The following CGGBP1 variants were observed in gnomAD, a reference collection of about 807,000 sequenced individuals.
CGGBP1 encodes the protein CGG triplet repeat binding protein 1, also known as CGG triplet repeat-binding protein 1.
A neutral mutation model predicts 11.4 loss-of-function variants in CGGBP1; 4 were observed. That is an observed-to-expected ratio of 0.35 (90% CI 0.17 to 0.80). CGGBP1 has a LOEUF of 0.80. CGGBP1 is among the 30% of genes least tolerant of loss of function. CGGBP1 has a pLI of 0.52. For missense variants in CGGBP1, 135 were observed against 202.1 expected (o/e 0.67, Z 2.01); for synonymous variants, 76 against 74.1 (o/e 1.03, Z -0.13).
intron 2 of CGGBP1, among the ~76,000 whole-genome samples, chr3:88,089,288 G>A (rs1431357718): frequency 6.7e-6 from 1 of 149,096 alleles, no homozygotes; most frequent in Non-Finnish European, 1.5e-5. Flanking sequence ...TCAAGAGATC[G>A]AGACCATCCT....
chr3:88,072,668 T>TC (rs1161166046), intron 2 of CGGBP1, among the ~76,000 whole-genome samples: 1 of 152,160 alleles, frequency 6.6e-6, no homozygotes, highest in Non-Finnish European at 1.5e-5. Flanking sequence ...GTATTCTTTT[T>TC]CCCCCTTACC....
At position 88,054,250 on chromosome 3, in the gene CGGBP1, A is replaced by T. The variant is rs978963226; in HGVS notation, c.*1223T>A. On this transcript the variant is annotated 3_prime_UTR_variant, in exon 4 of 4. Coordinates refer to ENST00000482016, the MANE Select transcript of CGGBP1 (RefSeq NM_001008390.2). Reference sequence around the variant, plus strand: ...CCAAGTTTCCAGCTGTTAAATTTTTAAAAAATATAATTTGGGTCTCTGATA... The same window carrying T: ...CCAAGTTTCCAGCTGTTAAATTTTTTAAAAATATAATTTGGGTCTCTGATA... 1.3e-5 allele frequency: 2 copies of T among 152,616 alleles called. No individual in the cohort carries two copies. Among genetic ancestry groups the T allele is most frequent in the African/African-American group, 4.8e-5 (2 of 41,456 alleles). 9.5% of individuals were successfully genotyped at this position (152,616 alleles called of 1,614,324 possible). A position where few individuals can be genotyped will look rare whatever the true frequency, so the allele number is the denominator to read the frequency against.
intron 2 of CGGBP1, chr3:88,086,540 T>A: frequency 2.6e-6 from 2 of 777,560 alleles, no homozygotes; most frequent in Non-Finnish European, 3.7e-6. Context: ...TTCACTGAAG[T>A]ATTCAGGTTT....
chr3:88,073,834 T>G (rs1188421793), intron 2 of CGGBP1, among the ~76,000 whole-genome samples: 1 of 152,188 alleles, frequency 6.6e-6, no homozygotes, highest in Non-Finnish European at 1.5e-5. Context: ...TTTATCCCTA[T>G]TTAATAAGAG....
chr3:88,128,124 A>G (rs542376174), intron 2 of CGGBP1, among the ~76,000 whole-genome samples: 47 of 152,262 alleles, frequency 3.1e-4, no homozygotes, highest in African/African-American at 8.2e-4. Context: ...TTTGCAATCT[A>G]TAAAGCTAGT....
chr3:88,110,752 C>A (rs1235288984), intron 2 of CGGBP1, among the ~76,000 whole-genome samples: 3 of 152,088 alleles, frequency 2.0e-5, no homozygotes, highest in Non-Finnish European at 2.9e-5. Context: ...ATAGGAAATA[C>A]AACAGGTTGG....
intron 3 of CGGBP1, 37 bp from the exon 4 acceptor site, chr3:88,056,036 C>CAA (rs1390930560): frequency 2.1e-6 from 3 of 1,448,366 alleles, no homozygotes; most frequent in Non-Finnish European, 2.8e-6. Flanking sequence ...AGTATTATAA[C>CAA]AACAGTTCAT....
chr3:88,100,827 G>T (rs547611820), intron 2 of CGGBP1, among the ~76,000 whole-genome samples: 10 of 152,092 alleles, frequency 6.6e-5, no homozygotes, highest in Non-Finnish European at 1.5e-4. Flanking sequence ...GGGAAAGCGG[G>T]GAGGGATAGC....
chr3:88,135,350 G>C, intron 2 of CGGBP1: 1 of 521,686 alleles, frequency 1.9e-6, no homozygotes, highest in Non-Finnish European at 3.0e-6. Flanking sequence ...ATTCTCCTCT[G>C]CCCTAACTCC....
intron 2 of CGGBP1, among the ~76,000 whole-genome samples, chr3:88,068,414 G>A (rs1254369196): frequency 2.0e-5 from 3 of 152,018 alleles, no homozygotes; most frequent in Non-Finnish European, 2.9e-5. Flanking sequence ...ATAGACAGGT[G>A]CACAAAATTG....
At chr3:88,101,432 T>TG (rs2107718167) in intron 2 of CGGBP1, among the ~76,000 whole-genome samples, 1 of 152,320 alleles carries the variant, frequency 6.6e-6, no homozygotes, top group East Asian at 1.9e-4. Flanking sequence ...AAAATAGTCT[T>TG]GCGAAATAGT....
chr3:88,120,205 T>A (rs939703812), intron 2 of CGGBP1, among the ~76,000 whole-genome samples: 7 of 152,168 alleles, frequency 4.6e-5, no homozygotes, highest in Admixed American at 4.6e-4. Context: ...GCAACAGAGT[T>A]GAGGTTTATA....
At chr3:88,062,055 A>G (rs1706917116), upstream of CGGBP1, among the ~76,000 whole-genome samples, 1 of 152,194 alleles carries the variant, frequency 6.6e-6, no homozygotes, top group Non-Finnish European at 1.5e-5. Context: ...CCATAAGGAA[A>G]AGTAAAACAG....
rs1299688249 is a variant in CGGBP1, at chr3:88,052,580, C to A, written c.*2893G>T. 6.6e-6 allele frequency: 1 copy of A among 152,556 alleles called. No individual in the cohort carries two copies. The highest frequency in any genetic ancestry group is 1.5e-5 in the Non-Finnish European group (1 of 68,012). The allele number at this position is 152,556 out of a possible 1,614,324, so 9.5% of individuals were successfully genotyped here. On this transcript the variant is annotated 3_prime_UTR_variant, in exon 4 of 4. Transcript: ENST00000482016. ...TTGGAGATCTTGCCAACTGTACTTA[C>A]AACAGTTTTAAAGCAATTGATACTT...
rs149243208 is a variant in CGGBP1, at chr3:88,072,253, T to C, written c.-228-14030A>G. ...CTGATCCAAACTATAGGTATCTTTCTCCTGGATTATTTTATTTCCCTGTTG... is the reference window on the plus strand; with the variant it reads ...CTGATCCAAACTATAGGTATCTTTCCCCTGGATTATTTTATTTCCCTGTTG... On this transcript the variant is annotated intron_variant, in intron 2 of 3. Transcript: ENST00000462901. 1.5e-3 allele frequency among the ~76,000 whole-genome samples: 231 copies of C among 152,332 alleles called. 1 individual carries two copies. The highest frequency in any genetic ancestry group is 5.3e-3 in the African/African-American group (220 of 41,584).
At chr3:88,098,167 A>G (rs1285931121) in intron 2 of CGGBP1, among the ~76,000 whole-genome samples, 18 of 152,088 alleles carry the variant, frequency 1.2e-4, no homozygotes, top group Admixed American at 1.0e-3. Context: ...CGATCCCACA[A>G]AAATACAAAC....
intron 2 of CGGBP1, among the ~76,000 whole-genome samples, chr3:88,106,903 C>T (rs902207761): frequency 4.6e-5 from 7 of 152,102 alleles, no homozygotes; most frequent in East Asian, 1.9e-4. Context: ...CTGTTTTTAT[C>T]GTATACTAAA....
intron 1 of CGGBP1, chr3:88,141,686 A>G (rs1233073979): frequency 1.4e-6 from 2 of 1,474,598 alleles, no homozygotes; most frequent in Middle Eastern, 1.8e-4. Context: ...TCAATCAAGC[A>G]GTAGTGTGAA....
chr3:88,131,226 G>A (rs1031016349), intron 2 of CGGBP1, among the ~76,000 whole-genome samples: 3 of 152,156 alleles, frequency 2.0e-5, no homozygotes, highest in African/African-American at 7.2e-5. Context: ...TCTAAATATA[G>A]AAAAAGTACA....
Sources: allele counts gnomAD v4.1 joint callset (sites outside exome capture counted in the v4.1 genomes callset), GRCh38; gene constraint gnomAD v4.1.1; transcripts MANE v1.5; gene names NCBI Gene and HGNC (gene_info 2026-07-23, HGNC 2026-07-21).